Variants in SPTBN2 observed in about 807,000 individuals in gnomAD.
The protein encoded by SPTBN2 is spectrin beta chain, non-erythrocytic 2.
A neutral mutation model predicts 284.2 loss-of-function variants in SPTBN2; 107 were observed. The observed-to-expected ratio is 0.38, with a 90% CI of 0.32 to 0.44. The LOEUF (loss-of-function observed/expected upper bound fraction) is 0.44, where lower values mean the gene tolerates loss of function less well. Among genes scored for constraint, SPTBN2 ranks in the 20% least tolerant of loss-of-function variants. The pLI is 1.00. For synonymous variants in SPTBN2, 1,289 were observed against 1,354.8 expected (o/e 0.95, Z 1.07); for missense variants, 2,569 against 3,287.1 (o/e 0.78, Z 5.34).
At chr11:66,688,570 G>C (rs576711249) in intron 31 of SPTBN2, 83 bp downstream of exon 31, 13 of 1,567,488 alleles carry the variant, frequency 8.3e-6, no homozygotes, top group South Asian at 1.1e-5. Flanking sequence ...TGGGAAGAGA[G>C]AAGACATGTC....
At chr11:66,728,568 G>C (rs1040617890) in intron 1 of SPTBN2, 173 bp downstream of exon 1, 2 of 151,312 alleles carry the variant, frequency 1.3e-5, no homozygotes, top group African/African-American at 2.4e-5. Flanking sequence ...CTCCCCGCCC[G>C]GGGTAGTTGA....
At chr11:66,701,800 C>T in intron 15 of SPTBN2, 79 bp from the exon 16 acceptor site, 6 of 1,602,430 alleles carry the variant, frequency 3.7e-6, no homozygotes, top group Non-Finnish European at 1.7e-6. Flanking sequence ...CTCTCTTAAA[C>T]ACCCAGGAGG....
At chr11:66,717,154 C>G (rs1263571153) in intron 3 of SPTBN2, among the ~76,000 whole-genome samples, 1 of 151,962 alleles carries the variant, frequency 6.6e-6, no homozygotes, top group East Asian at 1.9e-4. Context: ...AGTTAGGTAC[C>G]AATCTCAAAA....
At position 66,685,451 on chromosome 11, in the gene SPTBN2, A is replaced by G. The variant is rs1940042626; in HGVS notation, c.*420T>C. 4.1e-6 allele frequency: 1 copy of G among 241,888 alleles called. No homozygotes were observed. Among genetic ancestry groups the G allele is most frequent in the South Asian group, 4.9e-5 (1 of 20,480 alleles). 15.0% of individuals were successfully genotyped at this position (241,888 alleles called of 1,614,324 possible). A position where few individuals can be genotyped will look rare whatever the true frequency, so the allele number is the denominator to read the frequency against. On this transcript the variant is annotated 3_prime_UTR_variant, in exon 38 of 38. Transcript: ENST00000533211. The surrounding 1 kb of genome is among the most constrained non-coding windows in gnomAD (Gnocchi z 4.4). ...CCCCAGGGCCTGCTTCAGCTCTGAGAGGTTCCTGGCTGGTCTGAGGGGTGA... is the reference window on the plus strand; with the variant it reads ...CCCCAGGGCCTGCTTCAGCTCTGAGGGGTTCCTGGCTGGTCTGAGGGGTGA...
At chr11:66,713,818 A>C in intron 7 of SPTBN2, 72 bp from the exon 8 acceptor site, 1 of 1,295,796 alleles carries the variant, frequency 7.7e-7, no homozygotes, top group Non-Finnish European at 1.1e-6. Flanking sequence ...AACCCACACC[A>C]ATCTTTATCC....
At chr11:66,727,305 T>C (rs1465943838) in intron 1 of SPTBN2, among the ~76,000 whole-genome samples, 2 of 152,164 alleles carry the variant, frequency 1.3e-5, no homozygotes, top group East Asian at 3.9e-4. Flanking sequence ...TGCCCATACC[T>C]GAAACCCCCG....
At chr11:66,702,088 T>C (rs569875511) in intron 15 of SPTBN2, among the ~76,000 whole-genome samples, 2 of 152,326 alleles carry the variant, frequency 1.3e-5, no homozygotes, top group East Asian at 3.9e-4. Flanking sequence ...ATCCCACTAA[T>C]ATGTGTTAGA....
rs563748734 is a variant in SPTBN2 at position 66,689,285 on chromosome 11, T to G, written c.5950-105A>C. 5 of 1,284,180 alleles carry G rather than the reference T, an allele frequency of 3.9e-6. No individual in the cohort carries two copies. The South Asian group carries it at 4.0e-5, about 10-fold the overall frequency. The allele number at this position is 1,284,180 out of a possible 1,614,324, so 79.5% of individuals were successfully genotyped here. A position where few individuals can be genotyped will look rare whatever the true frequency, so the allele number is the denominator to read the frequency against. Reference sequence around the variant, plus strand: ...ACAGGTGATTTCTTTCTTTCTTTCTTTTTTTTGAGACGGAGTTTCGCTCTT... The same window carrying G: ...ACAGGTGATTTCTTTCTTTCTTTCTGTTTTTTGAGACGGAGTTTCGCTCTT... On this transcript the variant is annotated intron_variant, in intron 29 of 37. Transcript: ENST00000533211.
In SPTBN2 at chr11:66,687,482, C is replaced by T; in HGVS notation, c.6667G>A (p.Gly2223Arg). ...PEPSAQEQME[G>R]MLCRKQEMEA... is the part of the protein sequence containing the mutation. Reference sequence around the variant, plus strand: ...ATCTCCTGCTTGCGGCACAGCATCCCCTCCATCTGCTCCTGGGCAGATGGC... The same window carrying T: ...ATCTCCTGCTTGCGGCACAGCATCCTCTCCATCTGCTCCTGGGCAGATGGC... Residue 2223 changes from glycine (G) to arginine (R), a missense_variant, in exon 35 of 38, where the codon GGG (glycine) becomes AGG (arginine). Gly to Arg is a moderately radical substitution (Grantham distance 125). This residue lies in a region of SPTBN2 where 1,130 missense variants were observed against 1,317.3 expected (regional missense o/e 0.86). Transcript: ENST00000533211. The surrounding 1 kb of genome is among the most constrained non-coding windows in gnomAD (Gnocchi z 5.2). 2 of 1,610,940 alleles carry T rather than the reference C, an allele frequency of 1.2e-6. No homozygotes were observed. The highest frequency in any genetic ancestry group is 8.5e-7 in the Non-Finnish European group (1 of 1,179,996).
chr11:66,707,392 G>T lies in SPTBN2; in HGVS notation c.1653+124C>A. 9.6e-7 allele frequency: 1 copy of T among 1,036,374 alleles called. No individual in the cohort carries two copies. The highest frequency in any genetic ancestry group is 1.4e-6 in the Non-Finnish European group (1 of 713,894). 64.2% of individuals were successfully genotyped at this position (1,036,374 alleles called of 1,614,324 possible). On this transcript the variant is annotated intron_variant, in intron 13 of 37. Transcript: ENST00000533211. This position sits in a 1 kb window ranked among gnomAD's most constrained non-coding sequence, Gnocchi z 4.9. ...TGTTTACTTTGTTCCCTGCAACTGG[G>T]GACAGGGCCCTGTGCTGGTTCACAC...
rs1489449554 is a variant in SPTBN2, at chr11:66,683,160, C to T, written c.*2711G>A. 6.6e-6 allele frequency among the ~76,000 whole-genome samples: 1 copy of T among 150,944 alleles called. No individual in the cohort carries two copies. The highest frequency in any genetic ancestry group is 6.6e-5 in the Admixed American group (1 of 15,144). ...TCGGCTCACTGCAAGCTCCGCCTCC[C>T]GGGTTCACGCCATTCTCCTGCCTCA... On this transcript the variant is annotated 3_prime_UTR_variant, in exon 38 of 38. Coordinates refer to ENST00000533211, the MANE Select transcript of SPTBN2 (RefSeq NM_006946.4).
At chr11:66,695,458 C>G (rs1231599853) in intron 21 of SPTBN2, among the ~76,000 whole-genome samples, 1 of 152,060 alleles carries the variant, frequency 6.6e-6, no homozygotes, top group Non-Finnish European at 1.5e-5. Flanking sequence ...GGGGTTTTGC[C>G]ATGTTGCCCA....
At position 66,687,127 on chromosome 11, in the gene SPTBN2, G is replaced by A. The variant is rs2135297008; in HGVS notation, c.6763C>T (p.Leu2255Phe). The change falls in exon 36 of 38, where the codon CTC (leucine) becomes TTC (phenylalanine). Residue 2255 changes from leucine (L) to phenylalanine (F), a missense_variant. By Grantham distance (22) the Leu-to-Phe change is conservative. Coordinates refer to ENST00000533211, the MANE Select transcript of SPTBN2 (RefSeq NM_006946.4). The surrounding 1 kb of genome is among the most constrained non-coding windows in gnomAD (Gnocchi z 5.2). Reference protein sequence around the residue: ...NVYCVLRRGSLGFYKDAKAAS... With the variant: ...NVYCVLRRGSFGFYKDAKAAS... ...GCCTTGGCATCCTTGTAAAAGCCGA[G>A]GCTCCCACGCCGCAGGACACAGTAC... The A allele has an allele frequency of 3.7e-6, 6 of 1,614,072 alleles. No individual in the cohort carries two copies. Among genetic ancestry groups the A allele is most frequent in the East Asian group, 4.5e-5 (2 of 44,880 alleles).
At chr11:66,692,408 A>G in intron 26 of SPTBN2, 128 bp downstream of exon 26, 4 of 1,080,914 alleles carry the variant, frequency 3.7e-6, no homozygotes, top group Non-Finnish European at 5.5e-6. Context: ...CCAGGAGGAC[A>G]GTGCCTGCTC....
rs745597137 is a variant in SPTBN2, at chr11:66,708,308, T to C, written c.1192-9A>G. 1 of 1,581,368 alleles carries C rather than the reference T, an allele frequency of 6.3e-7. No homozygotes were observed. Among genetic ancestry groups the C allele is most frequent in the East Asian group, 2.3e-5 (1 of 44,298 alleles). On this transcript the variant is annotated splice_polypyrimidine_tract_variant and intron_variant, in intron 11 of 37. Coordinates refer to ENST00000533211, the MANE Select transcript of SPTBN2 (RefSeq NM_006946.4). The surrounding 1 kb of genome is among the most constrained non-coding windows in gnomAD (Gnocchi z 4.4). ...TCCAGCCGCTCCCAAGCCTATGGGG[T>C]GGGGACAGGGTTAGTGGAAGGGACA...
At chr11:66,738,418 A>G (rs766443872) in intron 1 of SPTBN2, among the ~76,000 whole-genome samples, 1 of 152,230 alleles carries the variant, frequency 6.6e-6, no homozygotes, top group Non-Finnish European at 1.5e-5. Flanking sequence ...TTGATCCCAT[A>G]GTCTCTTTCC....
Position 66,701,360 on chromosome 11 carries a change from T to C in SPTBN2, c.2817-78A>G, listed in dbSNP as rs78599477. The C allele has an allele frequency of 2.4e-4, 372 of 1,570,610 alleles. 2 individuals carry two copies. In the African/African-American group the frequency reaches 4.8e-3, roughly 20 times the overall value. On this transcript the variant is annotated intron_variant, in intron 16 of 37. Coordinates refer to ENST00000533211, the MANE Select transcript of SPTBN2 (RefSeq NM_006946.4). ...GCTTCTTCCCTGCTTCTCTCTCTCT[T>C]GGTAGCTCCCCTTCACTCCTCCCTT...
intron 29 of SPTBN2, 74 bp downstream of exon 29, chr11:66,689,731 A>C: frequency 6.3e-7 from 1 of 1,597,378 alleles, no homozygotes. Flanking sequence ...AATGAGAGGA[A>C]GCAGAAAGCC....
At chr11:66,740,457 C>A (rs142195896) in intron 1 of SPTBN2, among the ~76,000 whole-genome samples, 2 of 152,246 alleles carry the variant, frequency 1.3e-5, no homozygotes, top group African/African-American at 4.8e-5. Flanking sequence ...CTAGAACATC[C>A]CTGTCTGACC....
Sources: gnomAD v4.1 joint callset for allele counts (sites outside exome capture counted in the v4.1 genomes callset) on GRCh38, gnomAD v4.1.1 for gene constraint, gnomAD v4.1.1 regional missense constraint, Gnocchi (gnomAD v3.1) non-coding constraint, MANE v1.5 for transcripts, NCBI Gene and HGNC (gene_info 2026-07-23, HGNC 2026-07-21) for gene names.